LRGUK: variants seen among roughly 807,000 people sequenced by gnomAD.
LRGUK encodes leucine-rich repeat and guanylate kinase domain-containing protein.
A neutral mutation model predicts 76.0 loss-of-function variants in LRGUK; 65 were observed. The ratio of observed to expected loss-of-function variants is 0.85; its 90% confidence interval spans 0.70 to 1.05. The LOEUF is 1.05. LRGUK is among the 50% of genes least tolerant of loss of function. The pLI is 0.00. For synonymous variants in LRGUK, 268 were observed against 265.6 expected (o/e 1.01, Z -0.09); for missense variants, 758 against 732.8 (o/e 1.03, Z -0.40).
chr7:134,209,381 G>A (rs1030231902), exon 16 of LRGUK: 35 of 398,986 alleles, frequency 8.8e-5, no homozygotes, highest in Admixed American at 2.6e-4. Flanking sequence ...ACTTGCTGGC[G>A]ATTCTCAGCA....
chr7:134,184,705 C>T (rs1328161854), intron 11 of LRGUK, among the ~76,000 whole-genome samples: 1 of 152,200 alleles, frequency 6.6e-6, no homozygotes, highest in Non-Finnish European at 1.5e-5. Flanking sequence ...CCACCTTTTC[C>T]ATAAAAGGCT....
intron 16 of LRGUK, among the ~76,000 whole-genome samples, chr7:134,238,596 A>G (rs916498146): frequency 6.6e-6 from 1 of 151,868 alleles, no homozygotes; most frequent in African/African-American, 2.4e-5. Context: ...CACCTAGTTC[A>G]TGAGTTTTTA....
At chr7:134,177,734 C>G (rs369715236) in intron 9 of LRGUK, among the ~76,000 whole-genome samples, 7 of 152,266 alleles carry the variant, frequency 4.6e-5, no homozygotes, top group Middle Eastern at 3.4e-3. Context: ...TAGAGAGGCA[C>G]GTATTCCATC....
chr7:134,156,565 C>T (rs1798468575), intron 5 of LRGUK, among the ~76,000 whole-genome samples: 1 of 152,076 alleles, frequency 6.6e-6, no homozygotes, highest in South Asian at 2.1e-4. Flanking sequence ...TGGTACATTC[C>T]AGAACTATTG....
At chr7:134,127,618 AGGC>A (rs1797064097) in exon 1 of LRGUK, 1 of 1,614,156 alleles carries the variant, frequency 6.2e-7, no homozygotes, top group Non-Finnish European at 8.5e-7. Context: ...GGCGAGGGCG[AGGC>A]GGGATCCGAG....
Position 134,263,922 on chromosome 7 carries a change from C to T in LRGUK, c.2425C>T (p.Pro809Ser), listed in dbSNP as rs773548469. Residue 809 changes from proline (P) to serine (S), a missense_variant, in exon 20 of 20, where the codon CCA (proline) becomes TCA (serine). Transcript: ENST00000285928. ...ACACTCGGTCCCAGTCATCAGTCGC[C>T]CAGGTTCCAACGTCAAACCCACCCT... 2.5e-6 allele frequency: 4 copies of T among 1,612,618 alleles called. No homozygotes were observed. In the African/African-American group the frequency reaches 5.3e-5, roughly 22 times the overall value.
intron 5 of LRGUK, among the ~76,000 whole-genome samples, chr7:134,151,800 T>C (rs1007449540): frequency 6.6e-6 from 1 of 152,086 alleles, no homozygotes; most frequent in African/African-American, 2.4e-5. Flanking sequence ...TCCAGAGATA[T>C]AGAAACTCAA....
chr7:134,169,690 A>G lies in LRGUK; in HGVS notation c.940-4866A>G, dbSNP rs57167555. Among the ~76,000 whole-genome samples the G allele has an allele frequency of 7.8e-3, 1,186 of 152,268 alleles. 22 individuals carry two copies. The highest frequency in any genetic ancestry group is 0.028 in the African/African-American group (1,151 of 41,548). On this transcript the variant is annotated intron_variant, in intron 7 of 15. Coordinates refer to ENST00000645682, the Ensembl canonical transcript of LRGUK. ...ACTGTGAAGTGGGCATCTAGTTCCCAGGTAGGAAACAAATTGTCCCAACAT... is the reference window on the plus strand; with the variant it reads ...ACTGTGAAGTGGGCATCTAGTTCCCGGGTAGGAAACAAATTGTCCCAACAT...
intron 1 of LRGUK, among the ~76,000 whole-genome samples, chr7:134,129,309 CCTT>C (rs1400066014): frequency 5.8e-5 from 7 of 121,274 alleles, no homozygotes; most frequent in African/African-American, 2.2e-4. Flanking sequence ...TTCTTTCTTT[CCTT>C]CTTTCTTTCT....
intron 11 of LRGUK, among the ~76,000 whole-genome samples, chr7:134,188,214 ATGAGGGAGGTAAAGAGCCTC>A (rs1450795601): frequency 2.0e-5 from 3 of 152,178 alleles, no homozygotes; most frequent in Non-Finnish European, 2.9e-5. Context: ...GGGTGCTATG[ATGAGGGAGGTAAAGAGCCTC>A]TGAGATAGAA....
At chr7:134,143,223 C>A in intron 4 of LRGUK, 61 bp downstream of exon 4, 1 of 876,604 alleles carries the variant, frequency 1.1e-6, no homozygotes, top group Non-Finnish European at 1.9e-6. Context: ...ATTAAATAAG[C>A]AAAATAGCAC....
Position 134,258,500 on chromosome 7 carries a change from C to G in LRGUK, c.2347+95C>G, listed in dbSNP as rs1802641183. ...ATCTCCTGACGTCAGGAGTTCGAGA[C>G]CAGCCTGGCCAAAATTGTGAAACCC... On this transcript the variant is annotated intron_variant, in intron 19 of 19. Transcript: ENST00000285928. The G allele has an allele frequency of 2.6e-6, 3 of 1,173,566 alleles. No homozygotes were observed. In the Admixed American group the frequency reaches 8.3e-5, roughly 33 times the overall value. 72.7% of individuals were successfully genotyped at this position (1,173,566 alleles called of 1,614,324 possible).
intron 16 of LRGUK, among the ~76,000 whole-genome samples, chr7:134,231,422 T>G (rs1801886527): frequency 7.3e-6 from 1 of 137,270 alleles, no homozygotes; most frequent in African/African-American, 3.2e-5. Flanking sequence ...TTTTTTTCCT[T>G]CCTCCCTTCC....
chr7:134,242,348 CA>C (rs1802181347), intron 16 of LRGUK, among the ~76,000 whole-genome samples: 1 of 152,008 alleles, frequency 6.6e-6, no homozygotes, highest in African/African-American at 2.4e-5. Context: ...CAAATAGATG[CA>C]ATAAAAAATG....
At chr7:134,135,355 C>T (rs1006402474) in intron 1 of LRGUK, among the ~76,000 whole-genome samples, 9 of 152,122 alleles carry the variant, frequency 5.9e-5, no homozygotes, top group Non-Finnish European at 1.0e-4. Flanking sequence ...ATGAAACCAC[C>T]GGAGGGGGGC....
In LRGUK at chr7:134,252,948, A is replaced by G. The variant is rs530505323; in HGVS notation, c.2198+3872A>G. Among the ~76,000 whole-genome samples the G allele has an allele frequency of 3.3e-5, 5 of 152,318 alleles. No homozygotes were observed. The East Asian group carries it at 5.8e-4, about 18-fold the overall frequency. On this transcript the variant is annotated intron_variant, in intron 18 of 19. Transcript: ENST00000285928. ...ACCCTTTTAATCTCTGCCACAGTCA[A>G]TATCATCCTAGTAAACATAGATGCC...
At chr7:134,255,437 C>T (rs1274634647) in intron 18 of LRGUK, among the ~76,000 whole-genome samples, 1 of 152,160 alleles carries the variant, frequency 6.6e-6, no homozygotes, top group Non-Finnish European at 1.5e-5. Context: ...AGCCACTTGG[C>T]TACAGTCTAC....
intron 15 of LRGUK, among the ~76,000 whole-genome samples, chr7:134,219,002 A>C (rs1585571488): frequency 6.6e-6 from 1 of 152,208 alleles, no homozygotes; most frequent in African/African-American, 2.4e-5. Context: ...AAATAAATTT[A>C]ACTAGCCTAT....
At chr7:134,237,320 T>A (rs1802041578) in intron 16 of LRGUK, among the ~76,000 whole-genome samples, 2 of 152,188 alleles carry the variant, frequency 1.3e-5, no homozygotes, top group South Asian at 2.1e-4. Flanking sequence ...CCCAAAGTGC[T>A]GGGATTACAG....
Sources: allele counts gnomAD v4.1 joint callset (sites outside exome capture counted in the v4.1 genomes callset), GRCh38; gene constraint gnomAD v4.1.1; transcripts MANE v1.5; gene names NCBI Gene and HGNC (gene_info 2026-07-23, HGNC 2026-07-21).